Variants in FREM2 observed in about 807,000 individuals in gnomAD.
The protein encoded by FREM2 is FRAS1 related extracellular matrix 2.
In FREM2, 119 loss-of-function variants were observed where a neutral mutation model predicts 219.9. The observed-to-expected ratio is 0.54, with a 90% CI of 0.47 to 0.63. FREM2 has a LOEUF of 0.63. Ranked by LOEUF, FREM2 falls within the 30% of genes least tolerant of loss-of-function variation. FREM2 has a pLI of 0.00. For missense variants in FREM2, 4,030 were observed against 3,993.6 expected, an observed-to-expected ratio of 1.01 and a Z score of -0.25; for synonymous variants, 1,562 against 1,522.8, an observed-to-expected ratio of 1.03 and a Z score of -0.60.
rs1381535680 is a variant in FREM2, at chr13:38,690,195, G to T, written c.2851G>T (p.Glu951Ter). The stretch of plus-strand genomic sequence containing the variant: ...ACTGAGCCATCCTACTGGCACTCTG[G>T]AGTCCTATCTAGATGTCTTAGAAAA... ...PILSHPTGTL[E>*]SYLDVLENGA... Residue 951 changes from glutamate to a stop codon, truncating the protein, a stop_gained, in exon 1 of 24, where the codon GAG (glutamate) becomes TAG (stop). Coordinates refer to ENST00000280481, the MANE Select transcript of FREM2 (RefSeq NM_207361.6). LOFTEE classifies it high-confidence loss of function. The T allele has an allele frequency of 6.2e-7, 1 of 1,614,164 alleles. No homozygotes were observed. The highest frequency in any genetic ancestry group is 8.5e-7 in the Non-Finnish European group (1 of 1,180,036).
At chr13:38,717,484 T>C (rs1871057270) in intron 2 of FREM2, among the ~76,000 whole-genome samples, 1 of 124,728 alleles carries the variant, frequency 8.0e-6, no homozygotes, top group African/African-American at 3.0e-5. Context: ...TGGCACAAAC[T>C]CGGCTCACTG....
rs752022191 is a variant in FREM2 at position 38,690,034 on chromosome 13, A to G, written c.2690A>G (p.Gln897Arg). The G allele has an allele frequency of 2.4e-5, 38 of 1,613,810 alleles. No individual in the cohort carries two copies. The highest frequency in any genetic ancestry group is 6.8e-6 in the Non-Finnish European group (8 of 1,180,020). Residue 897 changes from glutamine to arginine, a missense_variant, in exon 1 of 24, where the codon CAG becomes CGG. Around this residue, in one of 2 missense-constraint regions of FREM2, gnomAD observed 3,102 missense variants for 2,950.7 expected, o/e 1.05. Transcript: ENST00000280481. ...GGLFHLEDIK[Q>R]GRVSYAHNGD... is the part of the protein sequence containing the mutation. Reference sequence around the variant, plus strand: ...CTCTTCCACTTGGAGGACATAAAACAGGGCCGAGTTTCCTATGCCCATAAT... The same window carrying G: ...CTCTTCCACTTGGAGGACATAAAACGGGGCCGAGTTTCCTATGCCCATAAT...
chr13:38,869,620 C>A (rs1447608136), intron 16 of FREM2, among the ~76,000 whole-genome samples: 1 of 152,118 alleles, frequency 6.6e-6, no homozygotes. Context: ...ACTCTAAAAT[C>A]ATTTTAATAG....
intron 12 of FREM2, among the ~76,000 whole-genome samples, chr13:38,857,429 T>A (rs1877602434): frequency 6.6e-6 from 1 of 152,180 alleles, no homozygotes. Context: ...ATTACTGGCA[T>A]CTGCTTCATC....
intron 2 of FREM2, among the ~76,000 whole-genome samples, chr13:38,720,590 A>C (rs1184409365): frequency 1.3e-5 from 2 of 152,218 alleles, no homozygotes; most frequent in African/African-American, 4.8e-5. Flanking sequence ...AGGATTCCTG[A>C]AAGCCTAAAG....
At chr13:38,876,419 A>T in intron 20 of FREM2, 37 bp downstream of exon 20, 4 of 1,586,052 alleles carry the variant, frequency 2.5e-6, no homozygotes, top group Non-Finnish European at 3.5e-6. Flanking sequence ...TGACTTGCAG[A>T]ATCCCACTTT....
chr13:38,805,928 G>C (rs1875208380), intron 6 of FREM2, among the ~76,000 whole-genome samples: 1 of 151,044 alleles, frequency 6.6e-6, no homozygotes, highest in African/African-American at 2.4e-5. Flanking sequence ...AAATACTGTT[G>C]TGTGGTTTCA....
intron 2 of FREM2, among the ~76,000 whole-genome samples, chr13:38,748,147 ATAGTT>A (rs1191444192): frequency 2.6e-5 from 4 of 152,224 alleles, no homozygotes; most frequent in African/African-American, 9.6e-5. Flanking sequence ...GGGGCATTAT[ATAGTT>A]AAGTTGCAAA....
chr13:38,826,718 A>G (rs899900828), intron 6 of FREM2, among the ~76,000 whole-genome samples: 13 of 152,128 alleles, frequency 8.5e-5, no homozygotes, highest in Non-Finnish European at 1.5e-4. Flanking sequence ...GGAATTCCCA[A>G]ATAAATCACC....
chr13:38,695,795 A>G (rs1870086231), intron 1 of FREM2, among the ~76,000 whole-genome samples: 1 of 152,088 alleles, frequency 6.6e-6, no homozygotes, highest in Non-Finnish European at 1.5e-5. Flanking sequence ...AACATCATAC[A>G]TGCAAAGGTA....
In FREM2 at chr13:38,861,573, TG is replaced by T. The variant is rs1365376284; in HGVS notation, c.7651+14del. The T allele has an allele frequency of 1.2e-6, 2 of 1,613,888 alleles. No homozygotes were observed. Among genetic ancestry groups the T allele is most frequent in the East Asian group, 4.5e-5 (2 of 44,882 alleles). On this transcript the variant is annotated intron_variant, in intron 15 of 23. Transcript: ENST00000280481. ...TGCCACACATAGATGGTAGGTGACT[TG>T]GGTAAGCAAATCCATGGAATTGTTT...
At chr13:38,763,811 C>T (rs1427999273) in intron 2 of FREM2, among the ~76,000 whole-genome samples, 1 of 152,048 alleles carries the variant, frequency 6.6e-6, no homozygotes, top group Non-Finnish European at 1.5e-5. Context: ...GGAAGGGAGG[C>T]GGAGAAGGGA....
Position 38,687,420 on chromosome 13 carries a change from C to G in FREM2, c.76C>G (p.Pro26Ala). The G allele has an allele frequency of 6.2e-7, 1 of 1,604,280 alleles. No individual in the cohort carries two copies. Among genetic ancestry groups the G allele is most frequent in the Non-Finnish European group, 8.5e-7 (1 of 1,176,036 alleles). The change falls in exon 1 of 24, where the codon CCG (proline) becomes GCG (alanine). Residue 26 changes from proline (P) to alanine (A), a missense_variant. Physicochemically the swap from Pro to Ala is conservative, Grantham distance 27. Coordinates refer to ENST00000280481, the MANE Select transcript of FREM2 (RefSeq NM_207361.6). ...NSTSFQPGPP[P>A]PPRLLLLLLL... ...CACCAGCTTTCAACCAGGACCGCCA[C>G]CGCCGCCCCGGCTGCTGCTGCTGCT...
rs538472112 is a variant in FREM2 at position 38,774,301 on chromosome 13, A to T, written c.5641+4493A>T. ...TAATCAAGACCAATTCAGCTCCTGC[A>T]TAATGTGTCTGTATATTCAACAAAT... On this transcript the variant is annotated intron_variant, in intron 4 of 23. Transcript: ENST00000280481. 3.0e-4 allele frequency among the ~76,000 whole-genome samples: 45 copies of T among 152,350 alleles called. 1 individual carries two copies. The South Asian group carries it at 6.0e-3, about 20-fold the overall frequency.
chr13:38,743,586 G>A (rs903839352), intron 2 of FREM2, among the ~76,000 whole-genome samples: 4 of 152,096 alleles, frequency 2.6e-5, no homozygotes, highest in South Asian at 2.1e-4. Flanking sequence ...GCTATTTAGC[G>A]CAAGTACAGA....
intron 2 of FREM2, among the ~76,000 whole-genome samples, chr13:38,705,347 T>C (rs1365417415): frequency 6.6e-6 from 1 of 152,116 alleles, no homozygotes; most frequent in Non-Finnish European, 1.5e-5. Context: ...TTTATGGAGA[T>C]GAAATAGACT....
chr13:38,826,421 T>C (rs1876290072), intron 6 of FREM2, among the ~76,000 whole-genome samples: 1 of 151,988 alleles, frequency 6.6e-6, no homozygotes, highest in Non-Finnish European at 1.5e-5. Flanking sequence ...AAGGAAGCAA[T>C]GCAATAGCGT....
chr13:38,739,303 A>C (rs563443717), intron 2 of FREM2, among the ~76,000 whole-genome samples: 1 of 152,338 alleles, frequency 6.6e-6, no homozygotes, highest in East Asian at 1.9e-4. Flanking sequence ...TTAATAACTT[A>C]CATTTGTTTG....
In FREM2 at chr13:38,818,430, C is replaced by T. The variant is rs1389456844; in HGVS notation, c.6020-28143C>T. Among the ~76,000 whole-genome samples the T allele has an allele frequency of 3.3e-5, 5 of 151,874 alleles. No homozygotes were observed. The South Asian group carries it at 8.3e-4, about 25-fold the overall frequency. On this transcript the variant is annotated intron_variant, in intron 6 of 23. Transcript: ENST00000280481. Reference sequence around the variant, plus strand: ...ACCATGTTAAGTGAAATAAGCCAGACACAGAAAGACAAATACCACATGATG... The same window carrying T: ...ACCATGTTAAGTGAAATAAGCCAGATACAGAAAGACAAATACCACATGATG...
Sources: allele counts gnomAD v4.1 joint callset (sites outside exome capture counted in the v4.1 genomes callset), GRCh38; gene constraint gnomAD v4.1.1; regional missense constraint gnomAD v4.1.1; transcripts MANE v1.5; gene names NCBI Gene and HGNC (gene_info 2026-07-23, HGNC 2026-07-21).